Variants in EBF2 observed in about 807,000 individuals in gnomAD.
EBF2 encodes transcription factor COE2.
In EBF2, 21 loss-of-function variants were observed where a neutral mutation model predicts 72.8. That is an observed-to-expected ratio of 0.29 (90% confidence interval 0.20 to 0.42). EBF2 has a LOEUF of 0.42. Ranked by LOEUF, EBF2 falls within the 10% of genes least tolerant of loss-of-function variation. The pLI, the probability that EBF2 is intolerant of heterozygous loss-of-function variation, is 1.00. For missense variants in EBF2, 637 were observed against 731.2 expected, an observed-to-expected ratio of 0.87 and a Z score of 1.49; for synonymous variants, 299 against 274.2, an observed-to-expected ratio of 1.09 and a Z score of -0.89.
At chr8:25,863,730 A>G (rs979408434) in intron 10 of EBF2, among the ~76,000 whole-genome samples, 3 of 152,148 alleles carry the variant, frequency 2.0e-5, no homozygotes, top group African/African-American at 7.2e-5. Context: ...TATCATAACA[A>G]TGCCTCTTGT....
At chr8:25,982,361 A>G (rs1235690376) in intron 6 of EBF2, among the ~76,000 whole-genome samples, 3 of 152,138 alleles carry the variant, frequency 2.0e-5, no homozygotes, top group Non-Finnish European at 2.9e-5. Flanking sequence ...GAGCCTGAAC[A>G]CTATGTCAGC....
At position 25,997,360 on chromosome 8, in the gene EBF2, C is replaced by T. The variant is rs75019730; in HGVS notation, c.551+35725G>A. ...CCAAGGCAGGCAGACGGTTTGAGCTCGGGAATTTGAGACAAGCCTGGGCAA... is the reference window on the plus strand; with the variant it reads ...CCAAGGCAGGCAGACGGTTTGAGCTTGGGAATTTGAGACAAGCCTGGGCAA... On this transcript the variant is annotated intron_variant, in intron 6 of 15. Coordinates refer to ENST00000520164, the MANE Select transcript of EBF2 (RefSeq NM_022659.4). 3.8e-3 allele frequency among the ~76,000 whole-genome samples: 583 copies of T among 152,158 alleles called. 2 individuals are homozygous for T. The highest frequency in any genetic ancestry group is 0.013 in the African/African-American group (557 of 41,512).
At position 26,027,290 on chromosome 8, in the gene EBF2, A is replaced by T. The variant is rs56807004; in HGVS notation, c.551+5795T>A. ...GGCCCAGGGGAAAGTAGATCCAAAC[A>T]TATGCTTCAGTAGAACAAGTTACTT... On this transcript the variant is annotated intron_variant, in intron 6 of 15. Coordinates refer to ENST00000520164, the MANE Select transcript of EBF2 (RefSeq NM_022659.4). 3.5e-4 allele frequency among the ~76,000 whole-genome samples: 53 copies of T among 152,204 alleles called. No homozygotes were observed. The East Asian group carries it at 0.01, about 29-fold the overall frequency.
In EBF2 at chr8:25,988,431, T is replaced by C. The variant is rs1448825598; in HGVS notation, c.551+44654A>G. The stretch of plus-strand genomic sequence containing the variant: ...ATACGCAAATATGAATGTTGATACA[T>C]GCATTAAGGAGCATATTTTAATCTG... On this transcript the variant is annotated intron_variant, in intron 6 of 15. Coordinates refer to ENST00000520164, the MANE Select transcript of EBF2 (RefSeq NM_022659.4). Among the ~76,000 whole-genome samples, 3 of 152,222 alleles carry C rather than the reference T, an allele frequency of 2.0e-5. No individual in the cohort carries two copies. The East Asian group carries it at 5.8e-4, about 29-fold the overall frequency.
Position 26,040,957 on chromosome 8 carries a change from G to A in EBF2, c.334C>T (p.Gln112Ter). ...AGCTCACCGTTGCTGTAGAGGAGCT[G>A]TAACTTGTAGTGAGTGCCGTTGTTG... is the stretch of plus-strand genomic sequence containing the variant. Reference protein sequence around the residue: ...KTNNGTHYKLQLLYSNGVRTE... With the variant: ...KTNNGTHYKL Residue 112 changes from glutamine (Q) to a stop codon, truncating the protein, a stop_gained, in exon 3 of 16, where the codon CAG becomes TAG. Transcript: ENST00000520164. LOFTEE classifies it high-confidence loss of function. 6.2e-7 allele frequency: 1 copy of A among 1,614,236 alleles called. No homozygotes were observed. Among genetic ancestry groups the A allele is most frequent in the Non-Finnish European group, 8.5e-7 (1 of 1,180,036 alleles).
At chr8:25,932,353 T>C (rs1201948199) in intron 6 of EBF2, among the ~76,000 whole-genome samples, 3 of 146,472 alleles carry the variant, frequency 2.0e-5, no homozygotes, top group African/African-American at 7.5e-5. Flanking sequence ...CAACTCTCAA[T>C]TGTTCCTCAT....
chr8:25,966,792 G>A (rs1804121954), intron 6 of EBF2, among the ~76,000 whole-genome samples: 1 of 152,228 alleles, frequency 6.6e-6, no homozygotes, highest in Non-Finnish European at 1.5e-5. Flanking sequence ...AATCCAGATA[G>A]CCAGCATGCT....
chr8:25,999,271 C>T (rs1185904839), intron 6 of EBF2, among the ~76,000 whole-genome samples: 28 of 152,152 alleles, frequency 1.8e-4, no homozygotes, highest in Admixed American at 1.8e-3. Context: ...CTATTTTCTT[C>T]TCCTCAAGAC....
chr8:26,036,863 T>C (rs998831964), intron 5 of EBF2, among the ~76,000 whole-genome samples: 3 of 151,956 alleles, frequency 2.0e-5, no homozygotes, highest in African/African-American at 7.3e-5. Flanking sequence ...TCCTGATAAG[T>C]GTTTTCTAAA....
chr8:26,015,381 C>T (rs1805092806), intron 6 of EBF2, among the ~76,000 whole-genome samples: 1 of 152,156 alleles, frequency 6.6e-6, no homozygotes. Context: ...AAGGGCATGC[C>T]CTTTCATCTT....
At chr8:26,019,391 C>G (rs796567364) in intron 6 of EBF2, among the ~76,000 whole-genome samples, 1 of 152,122 alleles carries the variant, frequency 6.6e-6, no homozygotes, top group East Asian at 1.9e-4. Context: ...CTGAAGAGAC[C>G]AAGATATTCC....
chr8:25,942,979 C>T (rs764261410), intron 6 of EBF2, among the ~76,000 whole-genome samples: 3 of 152,174 alleles, frequency 2.0e-5, no homozygotes, highest in African/African-American at 2.4e-5. Context: ...CAGGATTTCC[C>T]TCCGTGAAAC....
chr8:26,012,062 T>C (rs1347857404), intron 6 of EBF2, among the ~76,000 whole-genome samples: 1 of 152,226 alleles, frequency 6.6e-6, no homozygotes, highest in African/African-American at 2.4e-5. Flanking sequence ...GTTCCTATTC[T>C]AAGACAGAAA....
At chr8:25,886,612 T>G in intron 10 of EBF2, 143 bp downstream of exon 10, 1 of 987,062 alleles carries the variant, frequency 1.0e-6, no homozygotes, top group Non-Finnish European at 1.4e-6. Flanking sequence ...CACATCACCA[T>G]TCAACATCTA....
At chr8:25,916,174 G>A (rs1055972218) in intron 6 of EBF2, among the ~76,000 whole-genome samples, 95 of 151,170 alleles carry the variant, frequency 6.3e-4, no homozygotes, top group African/African-American at 2.1e-3. Context: ...TAATCCTAGC[G>A]ACTTGGGAGG....
chr8:26,020,511 T>C (rs141432325), intron 6 of EBF2, among the ~76,000 whole-genome samples: 1 of 152,286 alleles, frequency 6.6e-6, no homozygotes. Context: ...CTAAGGGAAA[T>C]GTTTCTCATT....
At chr8:25,911,317 A>G (rs1286881550) in intron 6 of EBF2, among the ~76,000 whole-genome samples, 1 of 152,242 alleles carries the variant, frequency 6.6e-6, no homozygotes, top group Non-Finnish European at 1.5e-5. Context: ...CAACGTGAAT[A>G]TCATAACCAC....
chr8:25,977,263 C>A (rs928167879), intron 6 of EBF2, among the ~76,000 whole-genome samples: 26 of 152,236 alleles, frequency 1.7e-4, no homozygotes, highest in African/African-American at 6.0e-4. Flanking sequence ...ATCGCATGCT[C>A]CCAGCGGGTC....
Position 26,044,880 on chromosome 8 carries a change from C to T in EBF2, c.-21G>A, listed in dbSNP as rs749657926. Reference sequence around the variant, plus strand: ...AACATTTAAAAAGTCTGATCCTCTACTGTCGCTTTAAAAGTAAGAGTTACA... The same window carrying T: ...AACATTTAAAAAGTCTGATCCTCTATTGTCGCTTTAAAAGTAAGAGTTACA... On this transcript the variant is annotated 5_prime_UTR_variant, in exon 1 of 16. Transcript: ENST00000520164. This position sits in a 1 kb window ranked among gnomAD's most constrained non-coding sequence, Gnocchi z 4.1. 23 of 1,612,558 alleles carry T rather than the reference C, an allele frequency of 1.4e-5. 1 individual carries two copies. The South Asian group carries it at 2.4e-4, about 17-fold the overall frequency.
Sources: gnomAD v4.1 joint callset for allele counts (sites outside exome capture counted in the v4.1 genomes callset) on GRCh38, gnomAD v4.1.1 for gene constraint, Gnocchi (gnomAD v3.1) non-coding constraint, MANE v1.5 for transcripts, NCBI Gene and HGNC (gene_info 2026-07-23, HGNC 2026-07-21) for gene names.